The following CD28 variants were observed in gnomAD, a reference collection of about 807,000 sequenced individuals.
The protein encoded by CD28 is T-cell-specific surface glycoprotein CD28.
A neutral mutation model predicts 21.4 loss-of-function variants in CD28; 8 were observed. The ratio of observed to expected loss-of-function variants is 0.37; its 90% CI spans 0.22 to 0.68. The LOEUF (loss-of-function observed/expected upper bound fraction) is 0.68. CD28 is among the 30% of genes least tolerant of loss of function. The probability of loss-of-function intolerance (pLI) is 0.55; values close to 1 mark genes in which losing one functional copy is unlikely to be tolerated. For missense variants in CD28, 239 were observed against 272.2 expected (o/e 0.88, Z 0.86); for synonymous variants, 106 against 104.0 (o/e 1.02, Z -0.12).
chr2:203,733,105 G>A (rs750597990), intron 3 of CD28, among the ~76,000 whole-genome samples: 2 of 152,180 alleles, frequency 1.3e-5, no homozygotes, highest in African/African-American at 4.8e-5. Flanking sequence ...TCTGGGGACA[G>A]ACATTTCCTC....
chr2:203,717,197 T>C (rs1435136764), intron 1 of CD28, among the ~76,000 whole-genome samples: 3 of 152,206 alleles, frequency 2.0e-5, no homozygotes, highest in Non-Finnish European at 4.4e-5. Flanking sequence ...TTGTTACCTA[T>C]AATCATTTGT....
intron 1 of CD28, among the ~76,000 whole-genome samples, chr2:203,708,454 C>G (rs139752039): frequency 1.3e-5 from 2 of 152,336 alleles, no homozygotes; most frequent in East Asian, 3.9e-4. Flanking sequence ...CCTACCCTGA[C>G]TGAAAACTAT....
intron 1 of CD28, among the ~76,000 whole-genome samples, chr2:203,710,623 C>T (rs778003206): frequency 2.0e-5 from 3 of 152,300 alleles, no homozygotes; most frequent in Non-Finnish European, 4.4e-5. Context: ...GGATATCTTC[C>T]TCCAAGTATT....
At chr2:203,731,372 A>G (rs1053795010) in intron 3 of CD28, among the ~76,000 whole-genome samples, 2 of 152,122 alleles carry the variant, frequency 1.3e-5, no homozygotes, top group African/African-American at 4.8e-5. Flanking sequence ...GTTTCTTCTT[A>G]ATCTCTGGCC....
rs1694026929 is a variant in CD28 at position 203,736,094 on chromosome 2, A to C, written c.*1182A>C. 6.6e-6 allele frequency: 1 copy of C among 152,662 alleles called. No homozygotes were observed. Among genetic ancestry groups the C allele is most frequent in the African/African-American group, 2.4e-5 (1 of 41,438 alleles). 9.5% of individuals were successfully genotyped at this position (152,662 alleles called of 1,614,324 possible). A position where few individuals can be genotyped will look rare whatever the true frequency, so the allele number is the denominator to read the frequency against. On this transcript the variant is annotated 3_prime_UTR_variant, in exon 4 of 4. Coordinates refer to ENST00000324106, the MANE Select transcript of CD28 (RefSeq NM_006139.4). The stretch of plus-strand genomic sequence containing the variant: ...GATTATTTGTCTAACAGTTCATTCC[A>C]ATCAGACCAGGTAGGAGCTTTCCTG...
chr2:203,708,866 G>A (rs1304084423), intron 1 of CD28, among the ~76,000 whole-genome samples: 3 of 152,144 alleles, frequency 2.0e-5, no homozygotes, highest in Non-Finnish European at 4.4e-5. Context: ...GGTGGCTCAC[G>A]CCTGTAATCG....
chr2:203,721,057 G>T (rs909033459), intron 1 of CD28, among the ~76,000 whole-genome samples: 2 of 152,194 alleles, frequency 1.3e-5, no homozygotes, highest in Non-Finnish European at 2.9e-5. Flanking sequence ...GATTTTATCA[G>T]CCAACCTTGA....
At position 203,727,002 on chromosome 2, in the gene CD28, T is replaced by A. The variant is rs1319899526; in HGVS notation, c.409+13T>A. On this transcript the variant is annotated intron_variant, in intron 2 of 3. Coordinates refer to ENST00000324106, the MANE Select transcript of CD28 (RefSeq NM_006139.4). ...ATCCATGTGAAAGGTAACATACAAC[T>A]TTACCAGTGTACCACCCTAAAGTAA... 1 of 1,467,122 alleles carries A rather than the reference T, an allele frequency of 6.8e-7. No homozygotes were observed. Among genetic ancestry groups the A allele is most frequent in the Admixed American group, 1.7e-5 (1 of 59,588 alleles). The allele number at this position is 1,467,122 out of a possible 1,614,324, so 90.9% of individuals were successfully genotyped here.
chr2:203,724,774 G>C (rs1041419065), intron 1 of CD28, among the ~76,000 whole-genome samples: 5 of 152,098 alleles, frequency 3.3e-5, no homozygotes, highest in African/African-American at 1.2e-4. Context: ...CAAAACACCT[G>C]TGTATATGAA....
At chr2:203,707,926 G>A (rs577666185) in intron 1 of CD28, among the ~76,000 whole-genome samples, 1 of 152,278 alleles carries the variant, frequency 6.6e-6, no homozygotes, top group African/African-American at 2.4e-5. Context: ...TGTTACTTGG[G>A]TGGGCTGGAG....
At chr2:203,714,800 T>C (rs1315310699) in intron 1 of CD28, among the ~76,000 whole-genome samples, 1 of 152,200 alleles carries the variant, frequency 6.6e-6, no homozygotes, top group East Asian at 1.9e-4. Context: ...AAACCAGCCA[T>C]CTCTGAAATC....
chr2:203,734,756 T>A, intron 3 of CD28, 28 bp from the exon 4 acceptor site: 1 of 1,613,678 alleles, frequency 6.2e-7, no homozygotes, highest in African/African-American at 1.3e-5. Flanking sequence ...ACATTGTCCC[T>A]CCATACTGAC....
At position 203,726,620 on chromosome 2, in the gene CD28, T is replaced by C. The variant is rs752771399; in HGVS notation, c.53-13T>C. 4.4e-6 allele frequency: 7 copies of C among 1,583,878 alleles called. No individual in the cohort carries two copies. In the East Asian group the frequency reaches 6.7e-5, roughly 15 times the overall value. The stretch of plus-strand genomic sequence containing the variant: ...TATTCTTGTTCTAAGCAAATGATTT[T>C]TTTTTCCCCCAGGAAACAAGATTTT... On this transcript the variant is annotated splice_polypyrimidine_tract_variant and intron_variant, in intron 1 of 3. Transcript: ENST00000324106.
At chr2:203,730,532 G>A (rs1559556979) in intron 3 of CD28, among the ~76,000 whole-genome samples, 1 of 152,144 alleles carries the variant, frequency 6.6e-6, no homozygotes, top group Non-Finnish European at 1.5e-5. Flanking sequence ...TAGGTACATA[G>A]TATGGTACAG....
chr2:203,721,636 T>TATGC (rs577374288), intron 1 of CD28, among the ~76,000 whole-genome samples: 176 of 152,220 alleles, frequency 1.2e-3, no homozygotes, highest in African/African-American at 3.4e-3. Flanking sequence ...CAAATCCATG[T>TATGC]ATGCATACTC....
chr2:203,723,045 T>C (rs1322129705), intron 1 of CD28, among the ~76,000 whole-genome samples: 1 of 152,210 alleles, frequency 6.6e-6, no homozygotes, highest in African/African-American at 2.4e-5. Flanking sequence ...TCTGATTTAA[T>C]TGGCCTTGGA....
intron 1 of CD28, among the ~76,000 whole-genome samples, chr2:203,719,305 T>C (rs1693545716): frequency 1.3e-5 from 2 of 152,184 alleles, no homozygotes; most frequent in African/African-American, 2.4e-5. Context: ...CATCTCCAAG[T>C]TCCCTTCCAG....
intron 1 of CD28, among the ~76,000 whole-genome samples, chr2:203,721,752 T>C (rs946275837): frequency 2.6e-5 from 4 of 152,088 alleles, no homozygotes; most frequent in African/African-American, 9.7e-5. Flanking sequence ...TAAAGTAGGG[T>C]CTATTTATAT....
At chr2:203,732,306 A>G (rs1225195143) in intron 3 of CD28, among the ~76,000 whole-genome samples, 2 of 152,168 alleles carry the variant, frequency 1.3e-5, no homozygotes, top group Non-Finnish European at 2.9e-5. Flanking sequence ...TGATGTTGAC[A>G]TTTGAGTAAA....
Sources: allele counts gnomAD v4.1 joint callset (sites outside exome capture counted in the v4.1 genomes callset), GRCh38; gene constraint gnomAD v4.1.1; transcripts MANE v1.5; gene names NCBI Gene and HGNC (gene_info 2026-07-23, HGNC 2026-07-21).